Variants in KIF5A observed in about 807,000 individuals in gnomAD.
The protein encoded by KIF5A is kinesin heavy chain isoform 5A.
A neutral mutation model predicts 141.3 loss-of-function variants in KIF5A; 35 were observed. The observed-to-expected ratio is 0.25, with a 90% CI of 0.19 to 0.33. KIF5A has a LOEUF of 0.33. Ranked by LOEUF, KIF5A falls within the 10% of genes least tolerant of loss-of-function variation. KIF5A has a pLI of 1.00. For synonymous variants in KIF5A, 448 were observed against 500.2 expected (o/e 0.90, Z 1.39); for missense variants, 861 against 1,314.3 (o/e 0.66, Z 5.33).
At chr12:57,554,773 A>G (rs536312550) in intron 1 of KIF5A, among the ~76,000 whole-genome samples, 3 of 152,276 alleles carry the variant, frequency 2.0e-5, no homozygotes, top group African/African-American at 4.8e-5. Flanking sequence ...ACATGGCGAG[A>G]GAGGGAAAAA....
Position 57,571,233 on chromosome 12 carries a change from A to G in KIF5A, c.1294-88A>G, listed in dbSNP as rs901602172. 3.7e-6 allele frequency: 3 copies of G among 817,512 alleles called. No homozygotes were observed. In the African/African-American group the frequency reaches 5.0e-5, roughly 14 times the overall value. 50.6% of individuals were successfully genotyped at this position (817,512 alleles called of 1,614,324 possible). ...AGCTTATACTATCTGGATTTTTATC[A>G]GGATCCTGCCTCTACCCCCAAACTT... is the stretch of plus-strand genomic sequence containing the variant. On this transcript the variant is annotated intron_variant, in intron 12 of 28. Transcript: ENST00000455537.
intron 1 of KIF5A, among the ~76,000 whole-genome samples, chr12:57,551,305 AT>A (rs1423887140): frequency 6.6e-6 from 1 of 152,178 alleles, no homozygotes; most frequent in Admixed American, 6.5e-5. Flanking sequence ...CAATATTTCC[AT>A]TTTACAGATG....
Position 57,550,942 on chromosome 12 carries a change from T to C in KIF5A, c.129+542T>C, listed in dbSNP as rs1443441318. On this transcript the variant is annotated intron_variant, in intron 1 of 28. Transcript: ENST00000455537. This position sits in a 1 kb window ranked among gnomAD's most constrained non-coding sequence, Gnocchi z 4.6. The stretch of plus-strand genomic sequence containing the variant: ...ATTTTTGTGTGTGTGTTGTGGGGAG[T>C]AGGTCTGATGCAGGGTTTACTGGGA... 6.6e-6 allele frequency among the ~76,000 whole-genome samples: 1 copy of C among 151,666 alleles called. No homozygotes were observed. The highest frequency in any genetic ancestry group is 1.9e-4 in the East Asian group (1 of 5,174).
Position 57,581,137 on chromosome 12 carries a change from A to T in KIF5A, c.2720A>T (p.Lys907Met), listed in dbSNP as rs1217692160. 6.2e-7 allele frequency: 1 copy of T among 1,613,992 alleles called. No individual in the cohort carries two copies. The highest frequency in any genetic ancestry group is 2.2e-5 in the East Asian group (1 of 44,900). Residue 907 changes from lysine to methionine, a missense_variant, in exon 24 of 29, where the codon AAG becomes ATG. Lys to Met is a moderately conservative substitution (Grantham distance 95). Around this residue, in one of 5 missense-constraint regions of KIF5A, gnomAD observed 482 missense variants for 661.3 expected, o/e 0.73. Transcript: ENST00000455537. ...VDRIKEAVRY[K>M]SSGKRGHSAQ... is the part of the protein sequence containing the mutation. ...CGCATCAAGGAGGCCGTTCGCTACA[A>T]GAGCTCGGGCAAACGGGGCCATTCT...
At chr12:57,555,034 G>T (rs1297639068) in intron 1 of KIF5A, among the ~76,000 whole-genome samples, 1 of 152,194 alleles carries the variant, frequency 6.6e-6, no homozygotes, top group Non-Finnish European at 1.5e-5. Context: ...TGGTGTTGGG[G>T]ATTTAAAGGG....
intron 1 of KIF5A, 40 bp from the exon 2 acceptor site, chr12:57,563,398 TC>T (rs1267742380): frequency 9.1e-6 from 13 of 1,423,386 alleles, no homozygotes; most frequent in Non-Finnish European, 1.3e-5. Flanking sequence ...TTCCCTCACA[TC>T]CTGCCTGTTG....
At chr12:57,579,601 T>C (rs1214348052) in intron 23 of KIF5A, among the ~76,000 whole-genome samples, 1 of 152,222 alleles carries the variant, frequency 6.6e-6, no homozygotes, top group African/African-American at 2.4e-5. Flanking sequence ...TACGATTTTA[T>C]TTCCTTTATT....
intron 1 of KIF5A, among the ~76,000 whole-genome samples, chr12:57,551,889 TCTCTC>T (rs1881586067): frequency 1.3e-5 from 2 of 152,106 alleles, no homozygotes; most frequent in African/African-American, 2.4e-5. Flanking sequence ...TCTCTCTCTC[TCTCTC>T]TCTCTCTCTC....
Position 57,556,829 on chromosome 12 carries a change from T to C in KIF5A, c.129+6429T>C, listed in dbSNP as rs1401266689. Among the ~76,000 whole-genome samples, 5 of 152,228 alleles carry C rather than the reference T, an allele frequency of 3.3e-5. No homozygotes were observed. In the East Asian group the frequency reaches 5.8e-4, roughly 18 times the overall value. On this transcript the variant is annotated intron_variant, in intron 1 of 28. Coordinates refer to ENST00000455537, the MANE Select transcript of KIF5A (RefSeq NM_004984.4). Reference sequence around the variant, plus strand: ...GAAAGCCAGTCTCATCTTTTCACATTTTTCTGCCTGTTTTATATTCTGGCT... The same window carrying C: ...GAAAGCCAGTCTCATCTTTTCACATCTTTCTGCCTGTTTTATATTCTGGCT...
chr12:57,565,971 C>T (rs1235229209), intron 6 of KIF5A, among the ~76,000 whole-genome samples: 2 of 151,346 alleles, frequency 1.3e-5, no homozygotes, highest in African/African-American at 4.9e-5. Flanking sequence ...TGGTGGCACA[C>T]ACCTGTAGTC....
intron 17 of KIF5A, 58 bp downstream of exon 17, chr12:57,575,815 A>C: frequency 8.2e-7 from 1 of 1,218,472 alleles, no homozygotes; most frequent in Non-Finnish European, 1.2e-6. Flanking sequence ...AGAAACATCA[A>C]AATAAATCAC....
intron 28 of KIF5A, 116 bp from the exon 29 acceptor site, chr12:57,584,102 T>G (rs1392477281): frequency 6.6e-6 from 1 of 152,182 alleles, no homozygotes; most frequent in Non-Finnish European, 1.5e-5. Flanking sequence ...GGGGTCTGCT[T>G]GTTGGTATTA....
At chr12:57,582,879 G>A (rs78411654) in intron 27 of KIF5A, 224 of 638,146 alleles carry the variant, frequency 3.5e-4, no homozygotes, top group Non-Finnish European at 5.6e-4. Context: ...CGAAAACAAC[G>A]TGGGCATCTG....
At chr12:57,578,719 G>A (rs376775039) in intron 23 of KIF5A, among the ~76,000 whole-genome samples, 1 of 152,150 alleles carries the variant, frequency 6.6e-6, no homozygotes, top group East Asian at 1.9e-4. Flanking sequence ...GGCTTCTTTC[G>A]TGGAGAGAAC....
In KIF5A at chr12:57,581,185, T is replaced by C; in HGVS notation, c.2755+13T>C. On this transcript the variant is annotated intron_variant, in intron 24 of 28. Transcript: ENST00000455537. ...TCTGCCCAGATTGGTGAGTAGGTGT[T>C]AGCAGGCAAGGTGGGAGTATCTCCT... 1 of 1,611,718 alleles carries C rather than the reference T, an allele frequency of 6.2e-7. No individual in the cohort carries two copies. The highest frequency in any genetic ancestry group is 8.5e-7 in the Non-Finnish European group (1 of 1,178,992).
rs749395504 is a variant in KIF5A at position 57,563,616 on chromosome 12, C to T, written c.218-4C>T. The T allele has an allele frequency of 6.2e-7, 1 of 1,613,950 alleles. No individual in the cohort carries two copies. Among genetic ancestry groups the T allele is most frequent in the South Asian group, 1.1e-5 (1 of 91,082 alleles). On this transcript the variant is annotated splice_polypyrimidine_tract_variant and splice_region_variant and intron_variant, in intron 2 of 28. Transcript: ENST00000455537. The stretch of plus-strand genomic sequence containing the variant: ...CAGTACTCTTTCTCTACTGTCTCTT[C>T]CAGATGTCCTTGCTGGCTACAATGG...
intron 1 of KIF5A, among the ~76,000 whole-genome samples, chr12:57,556,863 A>C (rs182909109): frequency 1.3e-5 from 2 of 152,138 alleles, no homozygotes; most frequent in African/African-American, 4.8e-5. Context: ...CTGCACTGGC[A>C]GTTGATTAAA....
chr12:57,574,990 T>G, intron 15 of KIF5A, 94 bp from the exon 16 acceptor site: 1 of 1,096,746 alleles, frequency 9.1e-7, no homozygotes, highest in Non-Finnish European at 1.4e-6. Context: ...AGTCCCTGCG[T>G]ATGTGGGTGT....
chr12:57,581,163 G>C lies in KIF5A; in HGVS notation c.2746G>C (p.Ala916Pro). 1.2e-6 allele frequency: 2 copies of C among 1,613,458 alleles called. No homozygotes were observed. Among genetic ancestry groups the C allele is most frequent in the Non-Finnish European group, 1.7e-6 (2 of 1,179,822 alleles). ...YKSSGKRGHSAQIAKPVRPGH... is the reference protein window; with the variant it reads ...YKSSGKRGHSPQIAKPVRPGH... The stretch of plus-strand genomic sequence containing the variant: ...GAGCTCGGGCAAACGGGGCCATTCT[G>C]CCCAGATTGGTGAGTAGGTGTTAGC... The change falls in exon 24 of 29, where the codon GCC becomes CCC. Residue 916 changes from alanine (A) to proline (P), a missense_variant. Transcript: ENST00000455537.
Sources: gnomAD v4.1 joint callset for allele counts (sites outside exome capture counted in the v4.1 genomes callset) on GRCh38, gnomAD v4.1.1 for gene constraint, gnomAD v4.1.1 regional missense constraint, Gnocchi (gnomAD v3.1) non-coding constraint, MANE v1.5 for transcripts, NCBI Gene and HGNC (gene_info 2026-07-23, HGNC 2026-07-21) for gene names.